Variants in NEDD9 observed in about 807,000 individuals in gnomAD.
The protein encoded by NEDD9 is neural precursor cell expressed, developmentally down-regulated 9.
NEDD9 carries 26 observed loss-of-function variants against 76.6 expected under a neutral mutation model. The observed-to-expected ratio is 0.34, with a 90% CI of 0.25 to 0.47. NEDD9 has a LOEUF of 0.47. NEDD9 is among the 20% of genes least tolerant of loss of function. NEDD9 has a pLI of 1.00. For missense variants in NEDD9, 937 were observed against 1,058.5 expected, an observed-to-expected ratio of 0.89 and a Z score of 1.59; for synonymous variants, 392 against 414.2, an observed-to-expected ratio of 0.95 and a Z score of 0.65.
chr6:11,355,953 C>T (rs1762565793), intron 1 of NEDD9, among the ~76,000 whole-genome samples: 1 of 152,238 alleles, frequency 6.6e-6, no homozygotes, highest in Admixed American at 6.5e-5. Context: ...GATCTCCTGA[C>T]CTCGTGATCT....
At chr6:11,313,969 A>G (rs1225534688) in intron 2 of NEDD9, among the ~76,000 whole-genome samples, 1 of 152,250 alleles carries the variant, frequency 6.6e-6, no homozygotes. Context: ...TTTGGAGAAC[A>G]CACAGCACAG....
At chr6:11,291,101 T>A (rs974948806) in intron 3 of NEDD9, among the ~76,000 whole-genome samples, 2 of 151,974 alleles carry the variant, frequency 1.3e-5, no homozygotes, top group African/African-American at 4.8e-5. Flanking sequence ...GGAGAGTCCC[T>A]GACTGGACCA....
At chr6:11,235,760 G>A (rs1223445632), upstream of NEDD9, among the ~76,000 whole-genome samples, 1 of 152,220 alleles carries the variant, frequency 6.6e-6, no homozygotes, top group Non-Finnish European at 1.5e-5. The surrounding 1 kb of genome is among the most constrained non-coding windows in gnomAD (Gnocchi z 4.1). Context: ...AGGGCCCGCA[G>A]TAGGCACGAG....
At chr6:11,192,169 G>T (rs1758160940) in intron 4 of NEDD9, among the ~76,000 whole-genome samples, 176 bp downstream of exon 4, 1 of 152,116 alleles carries the variant, frequency 6.6e-6, no homozygotes, top group Non-Finnish European at 1.5e-5. Context: ...TTTAATTAGT[G>T]CCTTTCCTTT....
At chr6:11,209,593 T>A (rs1164333271) in intron 2 of NEDD9, among the ~76,000 whole-genome samples, 2 of 152,266 alleles carry the variant, frequency 1.3e-5, no homozygotes, top group Admixed American at 1.3e-4. Context: ...CCTGCCATGC[T>A]AAGCACTGAG....
intron 2 of NEDD9, among the ~76,000 whole-genome samples, chr6:11,319,730 A>C (rs1761731472): frequency 7.6e-6 from 1 of 132,138 alleles, no homozygotes; most frequent in Non-Finnish European, 1.5e-5. Flanking sequence ...ACACTCACAC[A>C]CTAACATGCA....
At chr6:11,311,919 T>G (rs1761384892) in intron 2 of NEDD9, among the ~76,000 whole-genome samples, 1 of 152,224 alleles carries the variant, frequency 6.6e-6, no homozygotes, top group African/African-American at 2.4e-5. Flanking sequence ...CTGACTTTAC[T>G]TGACATCTCT....
Position 11,232,613 on chromosome 6 carries a change from G to T in NEDD9, c.-98C>A. On this transcript the variant is annotated 5_prime_UTR_variant, in exon 1 of 7. Coordinates refer to ENST00000379446, the MANE Select transcript of NEDD9 (RefSeq NM_006403.4). ...CCATTGAGTGCAGCGCTAGATGAAAGCGAGAAGGTCCCGGGCAGAGCCGCT... is the reference window on the plus strand; with the variant it reads ...CCATTGAGTGCAGCGCTAGATGAAATCGAGAAGGTCCCGGGCAGAGCCGCT... 1 of 1,606,058 alleles carries T rather than the reference G, an allele frequency of 6.2e-7. No individual in the cohort carries two copies. The highest frequency in any genetic ancestry group is 8.5e-7 in the Non-Finnish European group (1 of 1,176,620).
At chr6:11,306,106 A>C in exon 3 of NEDD9, 2 of 1,382,808 alleles carry the variant, frequency 1.4e-6, no homozygotes, top group South Asian at 1.2e-5. Context: ...CTTGAAGAAC[A>C]TATGATGTTT....
intron 2 of NEDD9, among the ~76,000 whole-genome samples, chr6:11,329,222 G>C (rs961342525): frequency 6.6e-6 from 1 of 152,240 alleles, no homozygotes; most frequent in African/African-American, 2.4e-5. Context: ...GTCCTGGGAA[G>C]AGAGACCCGG....
intron 2 of NEDD9, among the ~76,000 whole-genome samples, chr6:11,197,176 A>G (rs1026921338): frequency 6.6e-6 from 1 of 151,942 alleles, no homozygotes; most frequent in Non-Finnish European, 1.5e-5. Context: ...AGGAATTGCT[A>G]CACAAAGGAC....
chr6:11,304,396 G>A (rs1407766347), intron 3 of NEDD9, among the ~76,000 whole-genome samples: 2 of 152,202 alleles, frequency 1.3e-5, no homozygotes, highest in Non-Finnish European at 2.9e-5. Flanking sequence ...AAGACAATGT[G>A]GCGGTTCCTC....
intron 2 of NEDD9, among the ~76,000 whole-genome samples, chr6:11,314,710 A>C (rs1561830030): frequency 6.6e-6 from 1 of 152,098 alleles, no homozygotes; most frequent in Non-Finnish European, 1.5e-5. Flanking sequence ...CTCCCATTCA[A>C]CCATGTGCAG....
At position 11,226,962 on chromosome 6, in the gene NEDD9, C is replaced by T. The variant is rs114732429; in HGVS notation, c.12+5542G>A. 1.3e-3 allele frequency among the ~76,000 whole-genome samples: 198 copies of T among 152,298 alleles called. 2 individuals are homozygous for T. Among genetic ancestry groups the T allele is most frequent in the African/African-American group, 4.6e-3 (190 of 41,558 alleles). ...TGTTAGAAAGTAACAAAAGTGGGAT[C>T]TGAAACAAAGCCCATGTTTTTTGTT... On this transcript the variant is annotated intron_variant, in intron 1 of 6. Coordinates refer to ENST00000379446, the MANE Select transcript of NEDD9 (RefSeq NM_006403.4).
In NEDD9 at chr6:11,360,611, A is replaced by C. The variant is rs1034344631; in HGVS notation, c.-214+21528T>G. On this transcript the variant is annotated intron_variant, in intron 1 of 3. Transcript: ENST00000397378. Reference sequence around the variant, plus strand: ...CTGCTCTCTCTCTTCCTCCTGCTCCAGTCATGGAAGATGAGCTTTCTCCCC... The same window carrying C: ...CTGCTCTCTCTCTTCCTCCTGCTCCCGTCATGGAAGATGAGCTTTCTCCCC... 6.6e-4 allele frequency among the ~76,000 whole-genome samples: 101 copies of C among 152,138 alleles called. 1 individual carries two copies. Among genetic ancestry groups the C allele is most frequent in the Non-Finnish European group, 1.0e-4 (7 of 68,018 alleles).
At chr6:11,215,945 A>G (rs115172736) in intron 1 of NEDD9, among the ~76,000 whole-genome samples, 1,712 of 152,308 alleles carry the variant, frequency 0.011, 40 homozygotes, top group African/African-American at 0.04. Context: ...GGAGCACCGG[A>G]GCATGCTTGA....
chr6:11,213,287 A>C lies in NEDD9; in HGVS notation c.453T>G (p.Gly151=). 6.3e-7 allele frequency: 1 copy of C among 1,595,734 alleles called. No homozygotes were observed. The change falls in exon 2 of 7, where the codon GGT becomes GGG. Residue 151 remains glycine, a synonymous_variant. Transcript: ENST00000379446. This position sits in a 1 kb window ranked among gnomAD's most constrained non-coding sequence, Gnocchi z 5.4. ...SIGGTSGPHV[G]KKVITPVRTG... is the part of the protein sequence containing the mutation. ...TAGTTAGTCATTTACTCACCTTTTT[A>C]CCCACGTGGGGCCCACTGGTTCCCC...
chr6:11,365,845 G>C (rs1407081945), intron 1 of NEDD9, among the ~76,000 whole-genome samples: 4 of 151,942 alleles, frequency 2.6e-5, no homozygotes, highest in Non-Finnish European at 5.9e-5. Flanking sequence ...ACAAAAATTA[G>C]GTGGATGTGA....
intron 2 of NEDD9, chr6:11,200,795 T>C: frequency 7.0e-7 from 1 of 1,437,272 alleles, no homozygotes; most frequent in South Asian, 1.5e-5. Context: ...GCTGTTCGTA[T>C]CAGTATTGGC....
Sources: allele counts gnomAD v4.1 joint callset (sites outside exome capture counted in the v4.1 genomes callset), GRCh38; gene constraint gnomAD v4.1.1; non-coding constraint Gnocchi (gnomAD v3.1); transcripts MANE v1.5; gene names NCBI Gene and HGNC (gene_info 2026-07-23, HGNC 2026-07-21).